The following MDN1 variants were observed in gnomAD, a reference collection of about 807,000 sequenced individuals.
MDN1 encodes the protein midasin AAA ATPase 1.
MDN1 carries 266 observed loss-of-function variants against 669.2 expected under a neutral mutation model. The observed-to-expected ratio is 0.40, with a 90% CI of 0.36 to 0.44. MDN1 has a LOEUF of 0.44. Among genes scored for constraint, MDN1 ranks in the 20% least tolerant of loss-of-function variants. MDN1 has a pLI of 1.00. For missense variants in MDN1, 5,940 were observed against 6,754.0 expected, an observed-to-expected ratio of 0.88 and a Z score of 4.22; for synonymous variants, 2,385 against 2,457.1, an observed-to-expected ratio of 0.97 and a Z score of 0.87.
At chr6:89,703,904 T>G (rs1254504302) in intron 53 of MDN1, among the ~76,000 whole-genome samples, 2 of 150,954 alleles carry the variant, frequency 1.3e-5, no homozygotes, top group Admixed American at 6.6e-5. Context: ...TCCCAGCTAC[T>G]TGGGAGGCTG....
At chr6:89,776,733 A>T in intron 11 of MDN1, 38 bp from the exon 12 acceptor site, 1 of 1,357,218 alleles carries the variant, frequency 7.4e-7, no homozygotes, top group Non-Finnish European at 1.0e-6. Flanking sequence ...ACTGATTTTT[A>T]AAATAATATA....
intron 90 of MDN1, among the ~76,000 whole-genome samples, chr6:89,657,723 TA>T (rs1183787207): frequency 3.3e-5 from 5 of 152,192 alleles, no homozygotes; most frequent in Non-Finnish European, 5.9e-5. Flanking sequence ...GGGAGGCATA[TA>T]AAAATAAGTA....
rs995506148 is a variant in MDN1 at position 89,673,322 on chromosome 6, A to G, written c.13388T>C (p.Leu4463Pro). 4.3e-6 allele frequency: 7 copies of G among 1,614,156 alleles called. No homozygotes were observed. Among genetic ancestry groups the G allele is most frequent in the Non-Finnish European group, 5.9e-6 (7 of 1,180,042 alleles). The change falls in exon 80 of 102, where the codon CTG (leucine) becomes CCG (proline). Residue 4463 changes from leucine to proline, a missense_variant. Physicochemically the swap from Leu to Pro is moderately conservative, Grantham distance 98 (BLOSUM62 -3). This residue lies in a region of MDN1 where 2,280 missense variants were observed against 2,576.3 expected (regional missense o/e 0.88). Coordinates refer to ENST00000369393, the MANE Select transcript of MDN1 (RefSeq NM_014611.3). Reference sequence around the variant, plus strand: ...ACTAATTTCTCCTCTTACATATTCCAGACTTTCAACTAGTGCCATTTGTGA... The same window carrying G: ...ACTAATTTCTCCTCTTACATATTCCGGACTTTCAACTAGTGCCATTTGTGA... Reference protein sequence around the residue: ...RDSQMALVESLEYVRGEISKA... With the variant: ...RDSQMALVESPEYVRGEISKA...
rs756413388 is a variant in MDN1 at position 89,700,703 on chromosome 6, G to A, written c.8581C>T (p.Leu2861Phe). ...AGGATCAGTCCCCAGGCTTGCAGGA[G>A]ACTTTTCTTTAATGTCCACTGAGAA... ...VASQWTLKKS[L>F]LQAWGLILRA... The change falls in exon 56 of 102, where the codon CTC (leucine) becomes TTC (phenylalanine). Residue 2861 changes from leucine (L) to phenylalanine (F), a missense_variant. Leu to Phe is a conservative substitution (Grantham distance 22). This residue lies in a region of MDN1 where 2,292 missense variants were observed against 2,638.3 expected (regional missense o/e 0.87). Transcript: ENST00000369393. 3.7e-6 allele frequency: 6 copies of A among 1,614,070 alleles called. No homozygotes were observed. In the African/African-American group the frequency reaches 4.0e-5, roughly 11 times the overall value.
intron 75 of MDN1, 73 bp downstream of exon 75, chr6:89,678,526 A>T: frequency 2.0e-6 from 3 of 1,538,238 alleles, no homozygotes; most frequent in South Asian, 2.4e-5. Flanking sequence ...AATTTCCCCC[A>T]AAATCAGTCA....
At chr6:89,681,190 T>C (rs1811592033) in intron 73 of MDN1, among the ~76,000 whole-genome samples, 1 of 152,134 alleles carries the variant, frequency 6.6e-6, no homozygotes, top group South Asian at 2.1e-4. Context: ...CTTTTTTTTT[T>C]TGAGACAGGG....
intron 93 of MDN1, 109 bp downstream of exon 93, chr6:89,654,055 G>A: frequency 8.0e-7 from 1 of 1,256,044 alleles, no homozygotes; most frequent in Non-Finnish European, 1.1e-6. Context: ...ATTCATCTAA[G>A]CCATGGATTA....
chr6:89,779,856 A>G (rs562023471), intron 11 of MDN1, among the ~76,000 whole-genome samples: 1 of 152,174 alleles, frequency 6.6e-6, no homozygotes, highest in African/African-American at 2.4e-5. Flanking sequence ...ACTTGAGGTC[A>G]GGAGATCGAG....
Position 89,653,022 on chromosome 6 carries a change from A to G in MDN1, c.15795T>C (p.Ala5265=). The stretch of plus-strand genomic sequence containing the variant: ...AGATCGTGTCCATGAGGAATTGATG[A>G]GCTGTATGAATGGTAGACTCTCGGC... ...ERSRESTIHT[A]HQFLMDTIFQ... is the part of the protein sequence containing the mutation. The change falls in exon 94 of 102, where the codon GCT becomes GCC. Residue 5265 remains alanine (A), a synonymous_variant. Transcript: ENST00000369393. The G allele has an allele frequency of 6.2e-7, 1 of 1,614,056 alleles. No homozygotes were observed. The highest frequency in any genetic ancestry group is 8.5e-7 in the Non-Finnish European group (1 of 1,179,986).
At position 89,695,926 on chromosome 6, in the gene MDN1, G is replaced by T; in HGVS notation, c.9450C>A (p.Leu3150=). 1 of 1,612,732 alleles carries T rather than the reference G, an allele frequency of 6.2e-7. No individual in the cohort carries two copies. Among genetic ancestry groups the T allele is most frequent in the South Asian group, 1.1e-5 (1 of 91,034 alleles). ...TGTACTCCTGCCGCCGGGACTCTGG[G>T]AGCAGCTCTGCTAGGCCTGCCAGGT... ...FRHLAGLAEL[L]PESRRQEYMQ... The change falls in exon 61 of 102, where the codon CTC becomes CTA. Residue 3150 remains leucine (L), a synonymous_variant. Coordinates refer to ENST00000369393, the MANE Select transcript of MDN1 (RefSeq NM_014611.3). This position sits in a 1 kb window ranked among gnomAD's most constrained non-coding sequence, Gnocchi z 4.1.
chr6:89,677,330 G>C (rs1180521712), intron 76 of MDN1, among the ~76,000 whole-genome samples: 2 of 152,200 alleles, frequency 1.3e-5, no homozygotes, highest in Middle Eastern at 6.8e-3. Context: ...CTGACCTCAA[G>C]TGATCTGCCC....
intron 17 of MDN1, among the ~76,000 whole-genome samples, chr6:89,760,804 G>A (rs1002752476): frequency 5.3e-5 from 8 of 152,188 alleles, no homozygotes; most frequent in African/African-American, 1.9e-4. Context: ...GGAACTCAAA[G>A]AAGCAGCCAG....
At chr6:89,731,990 A>T (rs1230692183) in intron 34 of MDN1, among the ~76,000 whole-genome samples, 1 of 151,990 alleles carries the variant, frequency 6.6e-6, no homozygotes, top group Non-Finnish European at 1.5e-5. Context: ...CACCTTATCT[A>T]AAAAAATTCA....
At chr6:89,739,570 A>ACT (rs1446162749) in intron 32 of MDN1, among the ~76,000 whole-genome samples, 2 of 151,890 alleles carry the variant, frequency 1.3e-5, no homozygotes, top group African/African-American at 4.8e-5. Context: ...CTGTTACATC[A>ACT]CTCTCTTCCT....
At chr6:89,809,998 A>C in intron 1 of MDN1, among the ~76,000 whole-genome samples, 1 of 61,604 alleles carries the variant, frequency 1.6e-5, no homozygotes, top group South Asian at 5.9e-4. Context: ...TTCACTAAAA[A>C]AAAAAAAAAA....
intron 78 of MDN1, 36 bp from the exon 79 acceptor site, chr6:89,674,625 T>C: frequency 6.7e-7 from 1 of 1,503,586 alleles, no homozygotes. Context: ...ACACAATGAA[T>C]GGCACCTTAA....
chr6:89,780,676 C>T (rs1267229559), intron 10 of MDN1, among the ~76,000 whole-genome samples: 3 of 142,024 alleles, frequency 2.1e-5, no homozygotes, highest in East Asian at 4.3e-4. Flanking sequence ...GACAGAGTCT[C>T]ACTCTGTTGC....
At position 89,658,239 on chromosome 6, in the gene MDN1, C is replaced by A; in HGVS notation, c.15153G>T (p.Gly5051=). The A allele has an allele frequency of 6.2e-7, 1 of 1,614,206 alleles. No homozygotes were observed. Among genetic ancestry groups the A allele is most frequent in the Non-Finnish European group, 8.5e-7 (1 of 1,180,040 alleles). ...TCCCCTGCTCCTTCTCAGGTGCGGC[C>A]CCAGCCAGCTCCATGGCCTGTGTGT... ...MQNTQAMELA[G]AAPEKEQGKE... Residue 5051 remains glycine, a synonymous_variant, in exon 90 of 102, where the codon GGG becomes GGT. Transcript: ENST00000369393.
Position 89,749,569 on chromosome 6 carries a change from G to T in MDN1, c.3589C>A (p.Pro1197Thr). Reference protein sequence around the residue: ...PRFMLFATQNPPGLYGGRKVL... With the variant: ...PRFMLFATQNTPGLYGGRKVL... ...TTTCTGCCTCCATAAAGTCCTGGGGGATTTTGGGTGGCAAAAAGCATAAAC... is the reference window on the plus strand; with the variant it reads ...TTTCTGCCTCCATAAAGTCCTGGGGTATTTTGGGTGGCAAAAAGCATAAAC... Residue 1197 changes from proline to threonine, a missense_variant, in exon 25 of 102, where the codon CCC (proline) becomes ACC (threonine). By Grantham distance (38) the Pro-to-Thr change is conservative (BLOSUM62 -1). Transcript: ENST00000369393. The T allele has an allele frequency of 6.2e-7, 1 of 1,614,162 alleles. No individual in the cohort carries two copies. Among genetic ancestry groups the T allele is most frequent in the Non-Finnish European group, 8.5e-7 (1 of 1,180,016 alleles).
Sources: gnomAD v4.1 joint callset for allele counts (sites outside exome capture counted in the v4.1 genomes callset) on GRCh38, gnomAD v4.1.1 for gene constraint, gnomAD v4.1.1 regional missense constraint, Gnocchi (gnomAD v3.1) non-coding constraint, MANE v1.5 for transcripts, NCBI Gene and HGNC (gene_info 2026-07-23, HGNC 2026-07-21) for gene names.